NKAIN3: variants seen among roughly 807,000 people sequenced by gnomAD.
NKAIN3 encodes the protein sodium/potassium transporting ATPase interacting 3, also known as sodium/potassium-transporting ATPase subunit beta-1-interacting protein 3.
A neutral mutation model predicts 30.2 loss-of-function variants in NKAIN3; 25 were observed. The observed-to-expected ratio is 0.83, with a 90% confidence interval of 0.60 to 1.16. NKAIN3 has a LOEUF of 1.16. Ranked by LOEUF, NKAIN3 falls within the 50% of genes most tolerant of loss-of-function variation. The pLI, the probability that NKAIN3 is intolerant of heterozygous loss-of-function variation, is 0.00. For synonymous variants in NKAIN3, 91 were observed against 89.6 expected, an observed-to-expected ratio of 1.02 and a Z score of -0.09; for missense variants, 225 against 254.1, an observed-to-expected ratio of 0.89 and a Z score of 0.78.
At chr8:62,808,866 T>A (rs1287562167) in intron 4 of NKAIN3, among the ~76,000 whole-genome samples, 1 of 152,130 alleles carries the variant, frequency 6.6e-6, no homozygotes, top group Non-Finnish European at 1.5e-5. Context: ...AGCAGACAAC[T>A]GGTCTGACTA....
chr8:62,789,659 T>C (rs1021458953), intron 4 of NKAIN3, among the ~76,000 whole-genome samples: 2 of 152,032 alleles, frequency 1.3e-5, no homozygotes, highest in African/African-American at 4.8e-5. Flanking sequence ...AAATACAAGC[T>C]ACCATCAGAG....
intron 3 of NKAIN3, among the ~76,000 whole-genome samples, chr8:62,710,859 G>T (rs1457640975): frequency 1.3e-5 from 2 of 151,952 alleles, no homozygotes; most frequent in African/African-American, 4.8e-5. Flanking sequence ...CTTTAAAGAG[G>T]TTCTGTTTTG....
At chr8:62,843,124 T>C (rs1819579072) in intron 4 of NKAIN3, among the ~76,000 whole-genome samples, 2 of 151,770 alleles carry the variant, frequency 1.3e-5, no homozygotes, top group Middle Eastern at 3.2e-3. Flanking sequence ...AGAGAGGCAG[T>C]AGAATGAGTG....
At chr8:62,796,438 A>G (rs1343169185) in intron 4 of NKAIN3, among the ~76,000 whole-genome samples, 2 of 147,138 alleles carry the variant, frequency 1.4e-5, no homozygotes, top group African/African-American at 2.5e-5. Context: ...TAGATACTGC[A>G]TCCAGTCTCT....
intron 3 of NKAIN3, among the ~76,000 whole-genome samples, chr8:62,656,264 A>T (rs1241087676): frequency 6.6e-6 from 1 of 152,162 alleles, no homozygotes; most frequent in Non-Finnish European, 1.5e-5. Context: ...AGCCTTGAAA[A>T]TCAGGACATA....
intron 5 of NKAIN3, among the ~76,000 whole-genome samples, chr8:62,945,700 C>T (rs1823104528): frequency 6.6e-6 from 1 of 152,166 alleles, no homozygotes; most frequent in African/African-American, 2.4e-5. Context: ...ACTTGGGGCA[C>T]ACCTTCTCCA....
At chr8:62,467,682 T>G (rs1806202753) in intron 1 of NKAIN3, among the ~76,000 whole-genome samples, 1 of 152,198 alleles carries the variant, frequency 6.6e-6, no homozygotes, top group Admixed American at 6.5e-5. Context: ...GAATTATTTT[T>G]ACATCAAAGA....
intron 4 of NKAIN3, among the ~76,000 whole-genome samples, chr8:62,788,502 G>A (rs2130667175): frequency 1.3e-5 from 2 of 152,240 alleles, no homozygotes; most frequent in African/African-American, 4.8e-5. Flanking sequence ...CACTCTGATG[G>A]TGGTTTCTTT....
At chr8:62,283,482 G>T (rs894161425) in intron 1 of NKAIN3, among the ~76,000 whole-genome samples, 2 of 152,064 alleles carry the variant, frequency 1.3e-5, no homozygotes, top group East Asian at 3.9e-4. Context: ...TCTTTCACAG[G>T]ATCCCTTACT....
At chr8:62,399,084 CCTT>C (rs1817853970) in intron 1 of NKAIN3, among the ~76,000 whole-genome samples, 2 of 152,084 alleles carry the variant, frequency 1.3e-5, no homozygotes, top group Admixed American at 6.5e-5. Context: ...GAGCGAGACT[CCTT>C]CTCAAAAAAC....
chr8:62,660,137 C>G (rs1311010389), intron 3 of NKAIN3, among the ~76,000 whole-genome samples: 2 of 152,140 alleles, frequency 1.3e-5, no homozygotes, highest in Non-Finnish European at 2.9e-5. Flanking sequence ...GTTGGGGAGG[C>G]AACATGACTT....
intron 2 of NKAIN3, among the ~76,000 whole-genome samples, chr8:62,588,186 T>A (rs1186936840): frequency 2.0e-5 from 3 of 151,872 alleles, no homozygotes; most frequent in Admixed American, 2.0e-4. Flanking sequence ...TATCAAACAC[T>A]AGATGCCATC....
At chr8:62,483,839 TC>T (rs1181978831) in intron 1 of NKAIN3, 1 of 190,246 alleles carries the variant, frequency 5.3e-6, no homozygotes, top group African/African-American at 2.4e-5. Context: ...GGATCCAGCT[TC>T]TTAATCCTTC....
intron 1 of NKAIN3, among the ~76,000 whole-genome samples, chr8:62,290,038 CTGTT>C (rs1331452712): frequency 5.9e-5 from 9 of 152,060 alleles, no homozygotes; most frequent in Admixed American, 4.6e-4. Flanking sequence ...ATTTGGCTCT[CTGTT>C]TGTCTGTTAT....
chr8:62,753,338 T>A (rs945192174), intron 4 of NKAIN3, among the ~76,000 whole-genome samples: 1 of 152,112 alleles, frequency 6.6e-6, no homozygotes, highest in African/African-American at 2.4e-5. Flanking sequence ...CCTACAGTGC[T>A]GTATTTTACT....
intron 5 of NKAIN3, among the ~76,000 whole-genome samples, chr8:62,930,154 C>T (rs1452983969): frequency 6.6e-6 from 1 of 152,124 alleles, no homozygotes; most frequent in Non-Finnish European, 1.5e-5. Flanking sequence ...CTATCATTTC[C>T]AGAACTTTTT....
At chr8:62,997,841 C>A (rs1317226290) in intron 5 of NKAIN3, among the ~76,000 whole-genome samples, 1 of 151,560 alleles carries the variant, frequency 6.6e-6, no homozygotes, top group Non-Finnish European at 1.5e-5. Flanking sequence ...AATGCAATAG[C>A]CCCCTCCTCC....
intron 3 of NKAIN3, among the ~76,000 whole-genome samples, chr8:62,728,546 C>T (rs1049244509): frequency 1.1e-4 from 7 of 63,998 alleles, no homozygotes; most frequent in Non-Finnish European, 4.3e-5. Flanking sequence ...AGCCTGTAAT[C>T]CCAGCTACTC....
intron 4 of NKAIN3, among the ~76,000 whole-genome samples, chr8:62,887,487 T>C (rs190435282): frequency 1.3e-5 from 2 of 152,002 alleles, no homozygotes; most frequent in African/African-American, 4.8e-5. Flanking sequence ...CCTTCTGCTC[T>C]TCTTATTACA....
Sources: allele counts gnomAD v4.1 joint callset (sites outside exome capture counted in the v4.1 genomes callset), GRCh38; gene constraint gnomAD v4.1.1; transcripts MANE v1.5; gene names NCBI Gene and HGNC (gene_info 2026-07-23, HGNC 2026-07-21).